Variants in SMCHD1 observed in about 807,000 individuals in gnomAD.
SMCHD1 encodes the protein structural maintenance of chromosomes flexible hinge domain-containing protein 1.
SMCHD1 carries 78 observed loss-of-function variants against 254.7 expected under a neutral mutation model. The ratio of observed to expected loss-of-function variants is 0.31; its 90% CI spans 0.26 to 0.37. The LOEUF (loss-of-function observed/expected upper bound fraction) is 0.37, where lower values mean the gene tolerates loss of function less well. Ranked by LOEUF, SMCHD1 falls within the 10% of genes least tolerant of loss-of-function variation. The pLI, the probability that SMCHD1 is intolerant of heterozygous loss-of-function variation, is 1.00. For missense variants in SMCHD1, 1,840 were observed against 2,408.1 expected (o/e 0.76, Z 4.94); for synonymous variants, 766 against 794.9 (o/e 0.96, Z 0.61).
chr18:2,662,202 AAGAAAG>A (rs1364057984), intron 1 of SMCHD1, among the ~76,000 whole-genome samples: 8 of 32,804 alleles, frequency 2.4e-4, no homozygotes, highest in African/African-American at 1.2e-3. Context: ...TAAATAAATA[AAGAAAG>A]AAAGAAAGAA....
At chr18:2,683,796 T>A (rs1159994052) in intron 5 of SMCHD1, among the ~76,000 whole-genome samples, 1 of 152,194 alleles carries the variant, frequency 6.6e-6, no homozygotes, top group Admixed American at 6.5e-5. Flanking sequence ...CACTGGTTAT[T>A]TTCTTTGCTT....
At position 2,707,574 on chromosome 18, in the gene SMCHD1, G is replaced by A. The variant is rs138953923; in HGVS notation, c.2075G>A (p.Arg692Lys). ...TGGTTTCATAACAGGCTCCCTGATA[G>A]ATTGTCAGTAACTTGGCCTGAAGGA... ...VEDEMARLPD[R>K]LSVTWPEGDE... The change falls in exon 16 of 48, where the codon AGA becomes AAA. Residue 692 changes from arginine (R) to lysine (K), a missense_variant. By Grantham distance (26) the Arg-to-Lys change is conservative (BLOSUM62 2). Coordinates refer to ENST00000320876, the MANE Select transcript of SMCHD1 (RefSeq NM_015295.3). 3.1e-6 allele frequency: 5 copies of A among 1,604,786 alleles called. No homozygotes were observed. The East Asian group carries it at 1.1e-4, about 36-fold the overall frequency.
At chr18:2,698,426 C>T (rs1035273) in intron 10 of SMCHD1, among the ~76,000 whole-genome samples, 28,534 of 152,092 alleles carry the variant, frequency 0.19, 2,921 homozygotes, top group South Asian at 0.27. Flanking sequence ...AGGCTTTTTA[C>T]ATCTCAAAAT....
At chr18:2,662,020 G>T (rs1487466694) in intron 1 of SMCHD1, among the ~76,000 whole-genome samples, 1 of 143,382 alleles carries the variant, frequency 7.0e-6, no homozygotes, top group East Asian at 1.9e-4. Flanking sequence ...TTAGCCGGGC[G>T]CGGTGGCAGG....
At chr18:2,712,000 G>A (rs1405363926) in intron 17 of SMCHD1, among the ~76,000 whole-genome samples, 1 of 152,128 alleles carries the variant, frequency 6.6e-6, no homozygotes, top group African/African-American at 2.4e-5. Context: ...ACCATGAGTG[G>A]AAGCAGCCTG....
intron 37 of SMCHD1, 142 bp downstream of exon 37, chr18:2,763,931 T>G (rs2075827205): frequency 3.9e-6 from 3 of 763,166 alleles, no homozygotes; most frequent in Admixed American, 7.8e-5. Flanking sequence ...AAATATTTTC[T>G]GTTTTTGCTA....
intron 34 of SMCHD1, among the ~76,000 whole-genome samples, chr18:2,759,155 G>A (rs578225328): frequency 1.3e-5 from 2 of 152,112 alleles, no homozygotes; most frequent in African/African-American, 4.8e-5. Flanking sequence ...CATGTATCTG[G>A]TGATTCTAGT....
intron 37 of SMCHD1, among the ~76,000 whole-genome samples, chr18:2,768,631 T>C (rs2075913693): frequency 7.4e-6 from 1 of 134,240 alleles, no homozygotes; most frequent in East Asian, 2.0e-4. Context: ...ACTATACTAC[T>C]AGTATATATA....
intron 41 of SMCHD1, among the ~76,000 whole-genome samples, chr18:2,775,155 T>G (rs1191105503): frequency 7.5e-6 from 1 of 134,178 alleles, no homozygotes; most frequent in Non-Finnish European, 1.5e-5. Context: ...CTCGGCTCAC[T>G]GCAGCCTCTA....
chr18:2,684,734 A>G (rs868220468), intron 5 of SMCHD1, among the ~76,000 whole-genome samples: 1 of 30,046 alleles, frequency 3.3e-5, no homozygotes, highest in Non-Finnish European at 8.8e-5. Flanking sequence ...TGTGTGTGTG[A>G]TTCCATTTTA....
At chr18:2,717,820 T>A (rs905368817) in intron 17 of SMCHD1, among the ~76,000 whole-genome samples, 6 of 152,236 alleles carry the variant, frequency 3.9e-5, no homozygotes, top group African/African-American at 1.2e-4. Flanking sequence ...TTGTTTTTTT[T>A]AATATTTACA....
At chr18:2,777,737 C>T in intron 42 of SMCHD1, 69 bp from the exon 43 acceptor site, 3 of 787,608 alleles carry the variant, frequency 3.8e-6, no homozygotes, top group Non-Finnish European at 6.0e-6. Flanking sequence ...TCATGTTTTC[C>T]ATATTGTCTT....
In SMCHD1 at chr18:2,750,519, A is replaced by G. The variant is rs2075551431; in HGVS notation, c.4165+12A>G. 3 of 1,570,802 alleles carry G rather than the reference A, an allele frequency of 1.9e-6. No homozygotes were observed. In the East Asian group the frequency reaches 6.9e-5, roughly 36 times the overall value. On this transcript the variant is annotated intron_variant, in intron 32 of 47. Coordinates refer to ENST00000320876, the MANE Select transcript of SMCHD1 (RefSeq NM_015295.3). ...GGGTCTTTTCACTGGTGAGTATTTC[A>G]CATACATAAATAAATCTATAATGAT...
Position 2,738,377 on chromosome 18 carries a change from A to G in SMCHD1, c.3277-20A>G. 6.4e-7 allele frequency: 1 copy of G among 1,558,044 alleles called. No individual in the cohort carries two copies. ...ATTAGACGAAGCTTTATTATTGTTA[A>G]ATATCTCTTTTTCTCCTAGGTTAAT... On this transcript the variant is annotated intron_variant, in intron 25 of 47. Transcript: ENST00000320876.
At chr18:2,785,647 CAAAAAAA>C (rs1555656125) in intron 45 of SMCHD1, among the ~76,000 whole-genome samples, 14 of 12,676 alleles carry the variant, frequency 1.1e-3, no homozygotes, top group South Asian at 0.013. Flanking sequence ...GACTCTGTCT[CAAAAAAA>C]AAAAAAAAAA....
intron 45 of SMCHD1, among the ~76,000 whole-genome samples, chr18:2,785,492 CA>C (rs199747872): frequency 9.8e-4 from 145 of 147,756 alleles, no homozygotes; most frequent in African/African-American, 3.4e-3. Context: ...ACTAAAAATA[CA>C]AAAAAAAAAT....
intron 8 of SMCHD1, among the ~76,000 whole-genome samples, chr18:2,696,221 A>G (rs2074282118): frequency 6.6e-6 from 1 of 152,162 alleles, no homozygotes; most frequent in African/African-American, 2.4e-5. Flanking sequence ...AGATTGTCTC[A>G]GTGCTATAGG....
Position 2,770,028 on chromosome 18 carries a change from A to C in SMCHD1, c.4886A>C (p.Glu1629Ala). The change falls in exon 39 of 48, where the codon GAA (glutamate) becomes GCA (alanine). Residue 1629 changes from glutamate (E) to alanine (A), a missense_variant. Glu to Ala is a moderately radical substitution (Grantham distance 107). Around this residue, in one of 9 missense-constraint regions of SMCHD1, gnomAD observed 881 missense variants for 1,009.5 expected, o/e 0.87. Coordinates refer to ENST00000320876, the MANE Select transcript of SMCHD1 (RefSeq NM_015295.3). The part of the protein sequence containing the change: ...KQQQMAALTK[E>A]KDQLSQSIVM... ...CAACAAATGGCAGCACTTACAAAAGAAAAGGACCAATTATCTCAGTCTATT... is the reference window on the plus strand; with the variant it reads ...CAACAAATGGCAGCACTTACAAAAGCAAAGGACCAATTATCTCAGTCTATT... The C allele has an allele frequency of 6.2e-7, 1 of 1,601,106 alleles. No homozygotes were observed. Among genetic ancestry groups the C allele is most frequent in the Non-Finnish European group, 8.5e-7 (1 of 1,176,578 alleles).
In SMCHD1 at chr18:2,802,788, G is replaced by T; in HGVS notation, c.*236G>T. 1 of 403,104 alleles carries T rather than the reference G, an allele frequency of 2.5e-6. No homozygotes were observed. 25.0% of individuals were successfully genotyped at this position (403,104 alleles called of 1,614,324 possible). ...ATTATTCCAGACATTATGCCCTTTG[G>T]TTGTCACTACCTTGCAAATGTGTAA... On this transcript the variant is annotated 3_prime_UTR_variant, in exon 48 of 48. Transcript: ENST00000320876.
Sources: gnomAD v4.1 joint callset for allele counts (sites outside exome capture counted in the v4.1 genomes callset) on GRCh38, gnomAD v4.1.1 for gene constraint, gnomAD v4.1.1 regional missense constraint, MANE v1.5 for transcripts, NCBI Gene and HGNC (gene_info 2026-07-23, HGNC 2026-07-21) for gene names.